Variants in CMKLR1 observed in about 807,000 individuals in gnomAD.
CMKLR1 encodes chemerin-like receptor 1.
CMKLR1 carries 6 observed loss-of-function variants against 8.2 expected under a neutral mutation model. The ratio of observed to expected loss-of-function variants is 0.73; its 90% CI spans 0.40 to 1.44. The LOEUF is 1.44. Among genes scored for constraint, CMKLR1 ranks in the 40% most tolerant of loss-of-function variants. The pLI is 0.02. For synonymous variants in CMKLR1, 178 were observed against 181.2 expected (o/e 0.98, Z 0.14); for missense variants, 429 against 478.0 (o/e 0.90, Z 0.96).
chr12:108,292,052 A>G lies in CMKLR1; in HGVS notation c.911T>C (p.Leu304Pro). 1 of 1,614,208 alleles carries G rather than the reference A, an allele frequency of 6.2e-7. No homozygotes were observed. The highest frequency in any genetic ancestry group is 8.5e-7 in the Non-Finnish European group (1 of 1,180,024). ...GTTCATGCAGCTGTTGGCAATGGCA[A>G]GGGCAGTGGCCAGGGGCAAACCCAG... Reference protein sequence around the residue: ...FSLGLPLATALAIANSCMNPI... With the variant: ...FSLGLPLATAPAIANSCMNPI... The change falls in exon 4 of 4, where the codon CTT (leucine) becomes CCT (proline). Residue 304 changes from leucine (L) to proline (P), a missense_variant. Physicochemically the swap from Leu to Pro is moderately conservative, Grantham distance 98. Transcript: ENST00000550402.
intron 2 of CMKLR1, among the ~76,000 whole-genome samples, chr12:108,322,584 C>A (rs1185110204): frequency 6.6e-6 from 1 of 152,118 alleles, no homozygotes; most frequent in African/African-American, 2.4e-5. Flanking sequence ...GGAGTTGATA[C>A]TATGCCAACA....
intron 2 of CMKLR1, among the ~76,000 whole-genome samples, chr12:108,324,185 C>T (rs927343602): frequency 4.6e-5 from 7 of 152,164 alleles, no homozygotes; most frequent in East Asian, 1.9e-4. Flanking sequence ...CATGTGATCA[C>T]GCTTGTTGTA....
Position 108,291,744 on chromosome 12 carries a change from G to T in CMKLR1, c.*97C>A. 1.6e-6 allele frequency: 2 copies of T among 1,237,424 alleles called. No individual in the cohort carries two copies. The highest frequency in any genetic ancestry group is 1.5e-5 in the South Asian group (1 of 68,662). 76.7% of individuals were successfully genotyped at this position (1,237,424 alleles called of 1,614,324 possible). On this transcript the variant is annotated 3_prime_UTR_variant, in exon 4 of 4. Transcript: ENST00000550402. ...TCCCATGCAAAATGCAGTGAAAATT[G>T]GTGGATGCTAAAGAGGTTCTTGCCT...
chr12:108,331,248 G>A (rs577512925), intron 1 of CMKLR1, among the ~76,000 whole-genome samples: 4 of 152,198 alleles, frequency 2.6e-5, no homozygotes, highest in African/African-American at 4.8e-5. Flanking sequence ...ACAACATGCC[G>A]CCATCCCCAT....
intron 2 of CMKLR1, among the ~76,000 whole-genome samples, chr12:108,307,216 T>C (rs918464962): frequency 6.6e-6 from 1 of 152,210 alleles, no homozygotes; most frequent in Non-Finnish European, 1.5e-5. Context: ...GCTTACAGCT[T>C]GCTCAGGATG....
chr12:108,327,643 A>ACC (rs1007969828), intron 2 of CMKLR1, among the ~76,000 whole-genome samples: 1 of 152,236 alleles, frequency 6.6e-6, no homozygotes, highest in Non-Finnish European at 1.5e-5. Flanking sequence ...TACTTGGCTT[A>ACC]TAAGCAGCCT....
At chr12:108,336,410 G>A (rs1892225303) in intron 1 of CMKLR1, among the ~76,000 whole-genome samples, 1 of 152,204 alleles carries the variant, frequency 6.6e-6, no homozygotes, top group African/African-American at 2.4e-5. Context: ...GCCGGGCGGG[G>A]TGGTGGGTGC....
chr12:108,292,086 C>A lies in CMKLR1; in HGVS notation c.877G>T (p.Val293Phe). Residue 293 changes from valine to phenylalanine, a missense_variant, in exon 4 of 4, where the codon GTC (valine) becomes TTC (phenylalanine). Transcript: ENST00000550402. ...ELHHTAMPGS[V>F]FSLGLPLATA... ...GCCAGGGGCAAACCCAGGCTGAAGACAGAGCCAGGCATGGCAGTGTGGTGG... is the reference window on the plus strand; with the variant it reads ...GCCAGGGGCAAACCCAGGCTGAAGAAAGAGCCAGGCATGGCAGTGTGGTGG... The A allele has an allele frequency of 6.2e-7, 1 of 1,614,192 alleles. No individual in the cohort carries two copies. Among genetic ancestry groups the A allele is most frequent in the Non-Finnish European group, 8.5e-7 (1 of 1,180,028 alleles).
chr12:108,305,787 C>G (rs1328776363), intron 2 of CMKLR1, among the ~76,000 whole-genome samples: 1 of 152,218 alleles, frequency 6.6e-6, no homozygotes, highest in South Asian at 2.1e-4. Context: ...TGCAGCAGAG[C>G]AGAGCGGCAC....
intron 2 of CMKLR1, among the ~76,000 whole-genome samples, chr12:108,294,885 C>T (rs1025088457): frequency 5.5e-4 from 83 of 152,236 alleles, no homozygotes; most frequent in African/African-American, 1.8e-3. Context: ...TCCTTCCCAG[C>T]TTAAGGTTAT....
Position 108,309,984 on chromosome 12 carries a change from G to A in CMKLR1, c.-73-16320C>T, listed in dbSNP as rs149214994. Among the ~76,000 whole-genome samples, 352 of 152,324 alleles carry A rather than the reference G, an allele frequency of 2.3e-3. 2 individuals carry two copies. The highest frequency in any genetic ancestry group is 7.8e-3 in the African/African-American group (325 of 41,570). On this transcript the variant is annotated intron_variant, in intron 2 of 3. Coordinates refer to ENST00000550402, the MANE Select transcript of CMKLR1 (RefSeq NM_001142343.2). Reference sequence around the variant, plus strand: ...TGCCTGGCCCTGTTGGTCACTGAGTGTGTGGCCCTGGCTCTGCACAAAGTA... The same window carrying A: ...TGCCTGGCCCTGTTGGTCACTGAGTATGTGGCCCTGGCTCTGCACAAAGTA...
chr12:108,297,871 A>C (rs997353188), intron 2 of CMKLR1, among the ~76,000 whole-genome samples: 7 of 152,054 alleles, frequency 4.6e-5, no homozygotes, highest in Admixed American at 1.3e-4. Context: ...ATTTCCCTTC[A>C]TCTCCTCCTC....
chr12:108,331,199 C>A (rs1892098110), intron 1 of CMKLR1, among the ~76,000 whole-genome samples: 1 of 152,196 alleles, frequency 6.6e-6, no homozygotes, highest in Admixed American at 6.5e-5. Flanking sequence ...AGACACTTAA[C>A]TCTTACTATC....
At chr12:108,314,739 C>T (rs1891672367) in intron 2 of CMKLR1, among the ~76,000 whole-genome samples, 1 of 152,066 alleles carries the variant, frequency 6.6e-6, no homozygotes, top group African/African-American at 2.4e-5. Flanking sequence ...TTCTTTTTTC[C>T]CCCTCCCTTT....
At position 108,292,618 on chromosome 12, in the gene CMKLR1, G is replaced by T; in HGVS notation, c.345C>A (p.Ser115Arg). 3.7e-6 allele frequency: 6 copies of T among 1,614,170 alleles called. No homozygotes were observed. The highest frequency in any genetic ancestry group is 5.1e-6 in the Non-Finnish European group (6 of 1,180,024). The change falls in exon 4 of 4, where the codon AGC becomes AGA. Residue 115 changes from serine (S) to arginine (R), a missense_variant. Coordinates refer to ENST00000550402, the MANE Select transcript of CMKLR1 (RefSeq NM_001142343.2). ...WVFGTAMCKI[S>R]NFLLIHNMFT... ...ACATGTTGTGGATGAGAAGGAAGTTGCTGATCTTGCACATGGCTGTCCCGA... is the reference window on the plus strand; with the variant it reads ...ACATGTTGTGGATGAGAAGGAAGTTTCTGATCTTGCACATGGCTGTCCCGA...
chr12:108,308,021 G>A (rs778517377), intron 2 of CMKLR1, among the ~76,000 whole-genome samples: 13 of 152,252 alleles, frequency 8.5e-5, no homozygotes, highest in Non-Finnish European at 1.3e-4. Flanking sequence ...TCAGTGAAGT[G>A]ACCGAGTGAG....
intron 2 of CMKLR1, among the ~76,000 whole-genome samples, chr12:108,294,488 G>A (rs1352529667): frequency 1.3e-5 from 2 of 152,108 alleles, no homozygotes; most frequent in African/African-American, 2.4e-5. Flanking sequence ...ACCTAACCCC[G>A]GACACTTATG....
chr12:108,292,904 T>C lies in CMKLR1; in HGVS notation c.59A>G (p.Asp20Gly). 6.2e-7 allele frequency: 1 copy of C among 1,613,942 alleles called. No homozygotes were observed. The highest frequency in any genetic ancestry group is 8.5e-7 in the Non-Finnish European group (1 of 1,179,926). ...TSISYGDEYPDYLDSIVVLED... is the reference protein window; with the variant it reads ...TSISYGDEYPGYLDSIVVLED... ...CAAAACCACAATGGAGTCTAAATAA[T>C]CAGGGTATTCATCACCGTAACTGAT... The change falls in exon 4 of 4, where the codon GAT becomes GGT. Residue 20 changes from aspartate to glycine, a missense_variant. By Grantham distance (94) the Asp-to-Gly change is moderately conservative. Transcript: ENST00000550402.
chr12:108,314,404 G>A (rs1034153136), intron 2 of CMKLR1, among the ~76,000 whole-genome samples: 1 of 152,178 alleles, frequency 6.6e-6, no homozygotes, highest in African/African-American at 2.4e-5. Flanking sequence ...CAGAAGGACT[G>A]TCTCCAGAAG....
Sources: gnomAD v4.1 joint callset for allele counts (sites outside exome capture counted in the v4.1 genomes callset) on GRCh38, gnomAD v4.1.1 for gene constraint, MANE v1.5 for transcripts, NCBI Gene and HGNC (gene_info 2026-07-23, HGNC 2026-07-21) for gene names.